SNX31: variants seen among roughly 807,000 people sequenced by gnomAD.
SNX31 encodes sorting nexin-31.
A neutral mutation model predicts 65.4 loss-of-function variants in SNX31; 58 were observed. The ratio of observed to expected loss-of-function variants is 0.89; its 90% CI spans 0.72 to 1.10. The LOEUF is 1.10. SNX31 is among the 50% of genes least tolerant of loss of function. SNX31 has a pLI of 0.00. For synonymous variants in SNX31, 181 were observed against 190.1 expected, an observed-to-expected ratio of 0.95 and a Z score of 0.39; for missense variants, 523 against 529.7, an observed-to-expected ratio of 0.99 and a Z score of 0.12.
chr8:100,607,650 AAG>A (rs2130992078), intron 8 of SNX31, among the ~76,000 whole-genome samples: 1 of 152,300 alleles, frequency 6.6e-6, no homozygotes, highest in African/African-American at 2.4e-5. Context: ...AAATAACTAA[AAG>A]AGTATAATTG....
At chr8:100,605,904 T>C (rs192922425) in intron 8 of SNX31, among the ~76,000 whole-genome samples, 1 of 152,280 alleles carries the variant, frequency 6.6e-6, no homozygotes, top group Admixed American at 6.5e-5. Context: ...TGCAATCTCA[T>C]CCAAGGTCAT....
At chr8:100,624,273 C>G (rs1293868136) in intron 4 of SNX31, among the ~76,000 whole-genome samples, 1 of 152,004 alleles carries the variant, frequency 6.6e-6, no homozygotes, top group Non-Finnish European at 1.5e-5. Context: ...TAGTGAGATC[C>G]TGTATCTAGA....
upstream of SNX31, among the ~76,000 whole-genome samples, chr8:100,654,545 T>C (rs1323965829): frequency 2.6e-5 from 4 of 152,186 alleles, no homozygotes; most frequent in Non-Finnish European, 5.9e-5. Flanking sequence ...ATTTGAGGGA[T>C]GACATCAGGA....
In SNX31 at chr8:100,614,524, G is replaced by A. The variant is rs143206511; in HGVS notation, c.433-1439C>T. 3.7e-4 allele frequency among the ~76,000 whole-genome samples: 57 copies of A among 152,176 alleles called. No homozygotes were observed. Among genetic ancestry groups the A allele is most frequent in the African/African-American group, 1.3e-3 (53 of 41,530 alleles). ...AAATGTTAATGATGATTCAAAACAC[G>A]AACGCCATCACTAGCACCACAGTAG... On this transcript the variant is annotated intron_variant, in intron 5 of 13. Coordinates refer to ENST00000311812, the MANE Select transcript of SNX31 (RefSeq NM_152628.4). This position sits in a 1 kb window ranked among gnomAD's most constrained non-coding sequence, Gnocchi z 5.1.
Position 100,617,637 on chromosome 8 carries a change from C to T in SNX31, c.415G>A (p.Ala139Thr), listed in dbSNP as rs775784495. The change falls in exon 5 of 14, where the codon GCT (alanine) becomes ACT (threonine). Residue 139 changes from alanine to threonine, a missense_variant. By Grantham distance (58) the Ala-to-Thr change is moderately conservative. Coordinates refer to ENST00000311812, the MANE Select transcript of SNX31 (RefSeq NM_152628.4). ...AAGCTTACCTCTAGGACTCTTTCAG[C>T]AGTGTCTGATGTTATAATTTCGATT... ...IRIEIITSDT[A>T]ERVLEVVSHK... 15 of 1,609,762 alleles carry T rather than the reference C, an allele frequency of 9.3e-6. No individual in the cohort carries two copies. In the South Asian group the frequency reaches 1.2e-4, roughly 13 times the overall value.
In SNX31 at chr8:100,576,860, T is replaced by C. The variant is rs1357071306; in HGVS notation, c.1227+159A>G. 2.6e-5 allele frequency among the ~76,000 whole-genome samples: 4 copies of C among 152,178 alleles called. No individual in the cohort carries two copies. Among genetic ancestry groups the C allele is most frequent in the African/African-American group, 7.2e-5 (3 of 41,426 alleles). ...GGTGCTACAATAAAAATACTATACT[T>C]CTGTGATGGCCTTCCAATTGGCCCA... On this transcript the variant is annotated intron_variant, in intron 13 of 13. Coordinates refer to ENST00000311812, the MANE Select transcript of SNX31 (RefSeq NM_152628.4). The surrounding 1 kb of genome is among the most constrained non-coding windows in gnomAD (Gnocchi z 4.8).
chr8:100,661,583 C>G (rs1001543945), intron 1 of SNX31, among the ~76,000 whole-genome samples: 1 of 152,112 alleles, frequency 6.6e-6, no homozygotes, highest in Non-Finnish European at 1.5e-5. Flanking sequence ...CACTCTGTCA[C>G]CCAGGAAGGA....
chr8:100,640,205 G>A (rs1158274391), intron 2 of SNX31, among the ~76,000 whole-genome samples: 2 of 152,148 alleles, frequency 1.3e-5, no homozygotes, highest in African/African-American at 4.8e-5. Context: ...TTGGCTCACT[G>A]CAACCTCTGC....
chr8:100,634,501 C>A (rs1207041933), intron 3 of SNX31, among the ~76,000 whole-genome samples: 1 of 151,616 alleles, frequency 6.6e-6, no homozygotes, highest in Admixed American at 6.6e-5. Flanking sequence ...AATCCCAGTA[C>A]TTTGGGAAGC....
intron 11 of SNX31, among the ~76,000 whole-genome samples, chr8:100,586,360 A>G (rs777229559): frequency 6.6e-6 from 1 of 152,244 alleles, no homozygotes; most frequent in Non-Finnish European, 1.5e-5. Flanking sequence ...TATCCATAAA[A>G]ATTATAATGT....
intron 1 of SNX31, among the ~76,000 whole-genome samples, chr8:100,656,534 G>A (rs1224564039): frequency 1.3e-5 from 2 of 150,974 alleles, no homozygotes; most frequent in South Asian, 2.1e-4. Context: ...CCAGCTACTC[G>A]GGAGGCCAAG....
At chr8:100,640,072 T>C (rs377250054) in intron 2 of SNX31, among the ~76,000 whole-genome samples, 51 of 152,280 alleles carry the variant, frequency 3.3e-4, no homozygotes, top group African/African-American at 9.4e-4. Context: ...TTTAAATAAA[T>C]AGGAGCGACT....
upstream of SNX31, among the ~76,000 whole-genome samples, chr8:100,650,354 TTA>T (rs1370986145): frequency 1.3e-5 from 2 of 152,148 alleles, no homozygotes; most frequent in Non-Finnish European, 2.9e-5. Context: ...CCTCTCTCCT[TTA>T]ATCTACCCGT....
intron 1 of SNX31, among the ~76,000 whole-genome samples, chr8:100,656,280 C>T (rs537887319): frequency 1.1e-4 from 16 of 152,270 alleles, no homozygotes; most frequent in Admixed American, 1.3e-4. Context: ...TACTTTCCTT[C>T]CTTTTTTTCT....
intron 2 of SNX31, among the ~76,000 whole-genome samples, chr8:100,646,627 G>A (rs985357623): frequency 2.0e-5 from 3 of 152,090 alleles, no homozygotes; most frequent in Admixed American, 6.6e-5. Flanking sequence ...AGTACATTTT[G>A]GGATAAAATA....
Position 100,649,626 on chromosome 8 carries a change from AG to A in SNX31, c.-113del. The A allele has an allele frequency of 9.4e-7, 1 of 1,068,500 alleles. No homozygotes were observed. The highest frequency in any genetic ancestry group is 1.7e-5 in the African/African-American group (1 of 60,388). The allele number at this position is 1,068,500 out of a possible 1,614,324, so 66.2% of individuals were successfully genotyped here. On this transcript the variant is annotated 5_prime_UTR_variant, in exon 1 of 14. An upstream open reading frame in the 5' UTR loses its in-frame stop. Coordinates refer to ENST00000311812, the MANE Select transcript of SNX31 (RefSeq NM_152628.4). ...CAGCGCGGCCTGCCACGCGACTCAGAGCGAACCCCGGCGCCCGCTCTCGCCG... is the reference window on the plus strand; with the variant it reads ...CAGCGCGGCCTGCCACGCGACTCAGACGAACCCCGGCGCCCGCTCTCGCCG...
chr8:100,636,531 C>G (rs1190789831), intron 2 of SNX31, among the ~76,000 whole-genome samples: 1 of 152,060 alleles, frequency 6.6e-6, no homozygotes, highest in East Asian at 1.9e-4. Context: ...TTCCAAATTT[C>G]AAAGAAAAGA....
rs1350036412 is a variant in SNX31, at chr8:100,626,992, G to C, written c.321+3335C>G. Among the ~76,000 whole-genome samples, 1 of 152,178 alleles carries C rather than the reference G, an allele frequency of 6.6e-6. No individual in the cohort carries two copies. The highest frequency in any genetic ancestry group is 1.5e-5 in the Non-Finnish European group (1 of 68,032). On this transcript the variant is annotated intron_variant, in intron 4 of 13. Transcript: ENST00000311812. The surrounding 1 kb of genome is among the most constrained non-coding windows in gnomAD (Gnocchi z 4.4). ...TAGAGGTATAAGGCTTTTGTATGAA[G>C]TCACAAAGGCAAAATATTAAGGAAA... is the stretch of plus-strand genomic sequence containing the variant.
chr8:100,620,560 A>G (rs1307594176), intron 4 of SNX31, among the ~76,000 whole-genome samples: 1 of 152,224 alleles, frequency 6.6e-6, no homozygotes. Context: ...GGATTAGTCC[A>G]AAAAAAGCAC....
Sources: gnomAD v4.1 joint callset for allele counts (sites outside exome capture counted in the v4.1 genomes callset) on GRCh38, gnomAD v4.1.1 for gene constraint, Gnocchi (gnomAD v3.1) non-coding constraint, MANE v1.5 for transcripts, NCBI Gene and HGNC (gene_info 2026-07-23, HGNC 2026-07-21) for gene names.